Variants in PDE4B observed in about 807,000 individuals in gnomAD.
PDE4B encodes 3',5'-cyclic-AMP phosphodiesterase 4B.
PDE4B carries 20 observed loss-of-function variants against 82.2 expected under a neutral mutation model. The observed-to-expected ratio is 0.24, with a 90% CI of 0.17 to 0.35. PDE4B has a LOEUF of 0.35. Ranked by LOEUF, PDE4B falls within the 10% of genes least tolerant of loss-of-function variation. The pLI, the probability that PDE4B is intolerant of heterozygous loss-of-function variation, is 1.00. For synonymous variants in PDE4B, 320 were observed against 318.9 expected (o/e 1.00, Z -0.04); for missense variants, 655 against 907.2 (o/e 0.72, Z 3.57).
intron 4 of PDE4B, among the ~76,000 whole-genome samples, chr1:66,249,274 C>T (rs974451618): frequency 3.3e-5 from 5 of 152,126 alleles, no homozygotes; most frequent in Admixed American, 2.0e-4. Context: ...CATGGAAGAC[C>T]GTAGGTCATG....
intron 3 of PDE4B, among the ~76,000 whole-genome samples, chr1:66,246,121 T>A (rs1019149005): frequency 2.0e-4 from 30 of 152,238 alleles, no homozygotes; most frequent in Admixed American, 6.5e-5. Flanking sequence ...TTGCAAGACA[T>A]GAGTCTTCCA....
chr1:66,056,154 C>A (rs1213972541), intron 3 of PDE4B, among the ~76,000 whole-genome samples: 2 of 152,144 alleles, frequency 1.3e-5, no homozygotes, highest in Non-Finnish European at 2.9e-5. Flanking sequence ...AATGGGGCCT[C>A]TGGAGGCAAT....
chr1:66,155,690 G>C (rs1646489756), intron 3 of PDE4B, among the ~76,000 whole-genome samples: 1 of 151,774 alleles, frequency 6.6e-6, no homozygotes, highest in African/African-American at 2.4e-5. Flanking sequence ...ATTTGTGCTA[G>C]GTACTGGCAA....
At chr1:66,030,246 G>T (rs2100795403) in intron 3 of PDE4B, among the ~76,000 whole-genome samples, 1 of 152,162 alleles carries the variant, frequency 6.6e-6, no homozygotes, top group Admixed American at 6.5e-5. Context: ...TGCTGGACCT[G>T]GTTTTCTAGT....
intron 1 of PDE4B, among the ~76,000 whole-genome samples, chr1:65,884,432 A>C (rs2100354622): frequency 6.6e-6 from 1 of 152,276 alleles, no homozygotes; most frequent in South Asian, 2.1e-4. Context: ...ACAAAGCTGG[A>C]GGCATCATGC....
chr1:65,979,402 T>C (rs1569872910), intron 3 of PDE4B, among the ~76,000 whole-genome samples: 2 of 152,198 alleles, frequency 1.3e-5, no homozygotes, highest in African/African-American at 2.4e-5. Context: ...CGCTACTCCA[T>C]TGGGAAGGTC....
intron 1 of PDE4B, among the ~76,000 whole-genome samples, chr1:65,904,307 T>G (rs949548856): frequency 6.6e-6 from 1 of 152,182 alleles, no homozygotes; most frequent in Non-Finnish European, 1.5e-5. Context: ...TTAAAAAAAA[T>G]TTAGTATTGG....
At chr1:66,033,504 C>A (rs1161741070) in intron 3 of PDE4B, among the ~76,000 whole-genome samples, 1 of 152,134 alleles carries the variant, frequency 6.6e-6, no homozygotes, top group Non-Finnish European at 1.5e-5. Flanking sequence ...CTCCCAGGAC[C>A]AGTGCATGCT....
chr1:65,945,522 C>A (rs1648663934), intron 3 of PDE4B, among the ~76,000 whole-genome samples: 1 of 151,972 alleles, frequency 6.6e-6, no homozygotes, highest in South Asian at 2.1e-4. Context: ...ATGGAATCAA[C>A]TTGCCACCGA....
At chr1:66,073,344 T>C (rs576733315) in intron 3 of PDE4B, among the ~76,000 whole-genome samples, 1 of 152,286 alleles carries the variant, frequency 6.6e-6, no homozygotes, top group South Asian at 2.1e-4. Flanking sequence ...TCTTCAAACC[T>C]ATTTCATGTT....
intron 9 of PDE4B, 55 bp from the exon 10 acceptor site, chr1:66,361,560 C>A (rs761765561): frequency 1.8e-5 from 25 of 1,369,396 alleles, no homozygotes; most frequent in Admixed American, 6.0e-5. Flanking sequence ...TTGAATATTG[C>A]AGTGGATTCT....
At chr1:65,905,271 T>C (rs1336236437) in intron 1 of PDE4B, among the ~76,000 whole-genome samples, 1 of 152,132 alleles carries the variant, frequency 6.6e-6, no homozygotes, top group East Asian at 1.9e-4. Context: ...TCTGAACAAA[T>C]GACATCAAAG....
intron 3 of PDE4B, among the ~76,000 whole-genome samples, chr1:65,989,271 C>A (rs901255681): frequency 3.3e-5 from 5 of 152,076 alleles, no homozygotes; most frequent in African/African-American, 7.2e-5. Context: ...GAGGCTGAGG[C>A]AGGCAGATTA....
chr1:66,133,356 A>G (rs988869430), intron 3 of PDE4B, among the ~76,000 whole-genome samples: 1 of 152,216 alleles, frequency 6.6e-6, no homozygotes, highest in African/African-American at 2.4e-5. Context: ...TATTATTATT[A>G]TTGCTTATTT....
At chr1:66,188,523 A>G (rs1647401366) in intron 3 of PDE4B, among the ~76,000 whole-genome samples, 1 of 151,922 alleles carries the variant, frequency 6.6e-6, no homozygotes, top group Non-Finnish European at 1.5e-5. Flanking sequence ...GTGCTCCTGT[A>G]TTGGGTGCAT....
Position 66,373,020 on chromosome 1 carries a change from T to G in PDE4B, c.*342T>G, listed in dbSNP as rs922353239. The G allele has an allele frequency of 4.4e-6, 1 of 224,848 alleles. No homozygotes were observed. The highest frequency in any genetic ancestry group is 5.0e-5 in the Admixed American group (1 of 19,936). The allele number at this position is 224,848 out of a possible 1,614,324, so 13.9% of individuals were successfully genotyped here. Reference sequence around the variant, plus strand: ...TATCCCCGACAGTGACTGAACTCACTGACTAATAACTTCATTTATGAATCT... The same window carrying G: ...TATCCCCGACAGTGACTGAACTCACGGACTAATAACTTCATTTATGAATCT... On this transcript the variant is annotated 3_prime_UTR_variant, in exon 17 of 17. Transcript: ENST00000341517.
At chr1:66,147,701 G>C (rs928094553) in intron 3 of PDE4B, among the ~76,000 whole-genome samples, 1 of 152,188 alleles carries the variant, frequency 6.6e-6, no homozygotes, top group African/African-American at 2.4e-5. Context: ...TTCCAGTGGG[G>C]CGTTTCTTAG....
At chr1:66,234,072 G>A (rs918928125) in intron 3 of PDE4B, among the ~76,000 whole-genome samples, 1 of 152,094 alleles carries the variant, frequency 6.6e-6, no homozygotes, top group Non-Finnish European at 1.5e-5. Context: ...GATGTGTAGA[G>A]TCAGTATAAT....
chr1:66,210,506 G>A (rs998822585), intron 3 of PDE4B, among the ~76,000 whole-genome samples: 1 of 135,662 alleles, frequency 7.4e-6, no homozygotes, highest in Non-Finnish European at 1.5e-5. Flanking sequence ...TGAGGCAGGA[G>A]AATCGCTTGA....
Sources: allele counts gnomAD v4.1 joint callset (sites outside exome capture counted in the v4.1 genomes callset), GRCh38; gene constraint gnomAD v4.1.1; transcripts MANE v1.5; gene names NCBI Gene and HGNC (gene_info 2026-07-23, HGNC 2026-07-21).